The following LAMA2 variants were observed in gnomAD, a reference collection of about 807,000 sequenced individuals.
LAMA2 encodes laminin subunit alpha-2.
In LAMA2, 269 loss-of-function variants were observed where a neutral mutation model predicts 364.8. The ratio of observed to expected loss-of-function variants is 0.74; its 90% CI spans 0.67 to 0.82. The LOEUF is 0.82. Among genes scored for constraint, LAMA2 ranks in the 40% least tolerant of loss-of-function variants. LAMA2 has a pLI of 0.00. For missense variants in LAMA2, 3,807 were observed against 3,873.2 expected, an observed-to-expected ratio of 0.98 and a Z score of 0.45; for synonymous variants, 1,379 against 1,370.6, an observed-to-expected ratio of 1.01 and a Z score of -0.14.
rs1287831381 is a variant in LAMA2 at position 129,054,221 on chromosome 6, C to T, written c.283+4133C>T. ...GGGGAATAGGAGGGGATCACTGAGC[C>T]GTAATCAGAATAAAGTGGCAATTCC... On this transcript the variant is annotated intron_variant, in intron 2 of 64. Transcript: ENST00000421865. 4.6e-5 allele frequency among the ~76,000 whole-genome samples: 7 copies of T among 151,930 alleles called. No homozygotes were observed. The East Asian group carries it at 1.2e-3, about 25-fold the overall frequency.
chr6:129,366,461 A>C (rs1343226008), intron 33 of LAMA2, 100 bp downstream of exon 33: 1 of 1,304,842 alleles, frequency 7.7e-7, no homozygotes. Flanking sequence ...CACAGCCCCA[A>C]ATCAAGGGAC....
chr6:129,204,176 CATAA>C (rs1330083678), intron 12 of LAMA2, among the ~76,000 whole-genome samples: 3 of 152,270 alleles, frequency 2.0e-5, no homozygotes, highest in Non-Finnish European at 2.9e-5. Context: ...AAGTGCAAAA[CATAA>C]ATAAATCAGT....
chr6:129,460,422 G>A (rs1783191395), intron 49 of LAMA2, 98 bp downstream of exon 49: 12 of 1,275,866 alleles, frequency 9.4e-6, no homozygotes, highest in Non-Finnish European at 1.3e-5. Context: ...ATGATGTGGA[G>A]CAGGTTTGAA....
chr6:128,934,196 T>C (rs1779671969), intron 1 of LAMA2, among the ~76,000 whole-genome samples: 2 of 152,220 alleles, frequency 1.3e-5, no homozygotes, highest in South Asian at 4.1e-4. Flanking sequence ...AAAAGACTAT[T>C]TGTTCCCCAT....
At chr6:129,489,818 C>CCAA (rs758703580) in intron 56 of LAMA2, among the ~76,000 whole-genome samples, 10 of 151,916 alleles carry the variant, frequency 6.6e-5, no homozygotes, top group Middle Eastern at 3.2e-3. Context: ...CGTATGCAAT[C>CCAA]CAACTGATAT....
chr6:129,256,609 G>A (rs1786685061), intron 14 of LAMA2, among the ~76,000 whole-genome samples: 1 of 151,662 alleles, frequency 6.6e-6, no homozygotes, highest in South Asian at 2.1e-4. Context: ...AACTAAGAAG[G>A]AAGCAATGAA....
intron 22 of LAMA2, among the ~76,000 whole-genome samples, chr6:129,304,471 G>A (rs1773746083): frequency 6.6e-6 from 1 of 152,122 alleles, no homozygotes; most frequent in Non-Finnish European, 1.5e-5. Context: ...CACCGCGTTA[G>A]CCAGGATGGT....
chr6:129,108,778 C>T (rs2114895429), intron 4 of LAMA2, among the ~76,000 whole-genome samples: 1 of 152,028 alleles, frequency 6.6e-6, no homozygotes, highest in Non-Finnish European at 1.5e-5. Flanking sequence ...TTTTGCTATC[C>T]AAGTTCCTAA....
intron 49 of LAMA2, among the ~76,000 whole-genome samples, chr6:129,460,654 A>G (rs1783204553): frequency 6.6e-6 from 1 of 151,982 alleles, no homozygotes; most frequent in African/African-American, 2.4e-5. Context: ...TGTGTCTGTG[A>G]GTACCTCATT....
At chr6:129,087,283 G>C (rs1218104529) in intron 3 of LAMA2, among the ~76,000 whole-genome samples, 3 of 152,178 alleles carry the variant, frequency 2.0e-5, no homozygotes, top group Admixed American at 6.5e-5. Flanking sequence ...AAATTTCTGT[G>C]TAATAAAGTG....
intron 29 of LAMA2, among the ~76,000 whole-genome samples, chr6:129,339,100 A>T (rs1284856141): frequency 1.2e-5 from 1 of 81,804 alleles, no homozygotes; most frequent in Non-Finnish European, 3.6e-5. Context: ...TGTTCATAGG[A>T]TGATCACTCT....
intron 12 of LAMA2, among the ~76,000 whole-genome samples, chr6:129,227,978 A>C (rs1277657754): frequency 6.6e-6 from 1 of 152,182 alleles, no homozygotes; most frequent in Admixed American, 6.5e-5. Flanking sequence ...GGCTTCACCC[A>C]GTTCAAGCTT....
intron 1 of LAMA2, among the ~76,000 whole-genome samples, chr6:129,013,677 G>A (rs1276678659): frequency 6.6e-6 from 1 of 152,060 alleles, no homozygotes; most frequent in African/African-American, 2.4e-5. Flanking sequence ...TTTTATTCTT[G>A]TAGATTTTAA....
chr6:129,370,052 A>G, intron 34 of LAMA2, 62 bp downstream of exon 34: 1 of 1,334,152 alleles, frequency 7.5e-7, no homozygotes, highest in Non-Finnish European at 1.1e-6. Flanking sequence ...AAGGAAAATT[A>G]CTTCAAAGTT....
At chr6:129,043,820 A>G (rs1181889962) in intron 1 of LAMA2, among the ~76,000 whole-genome samples, 1 of 152,142 alleles carries the variant, frequency 6.6e-6, no homozygotes, top group East Asian at 1.9e-4. Context: ...CTGGGCTCAA[A>G]GTCCCAACTT....
intron 8 of LAMA2, chr6:129,157,728 G>T: frequency 6.2e-7 from 1 of 1,611,740 alleles, no homozygotes; most frequent in Non-Finnish European, 8.5e-7. Context: ...TTCGTATGAC[G>T]GATCACTCGG....
intron 3 of LAMA2, among the ~76,000 whole-genome samples, chr6:129,084,339 T>G (rs941551177): frequency 6.6e-6 from 1 of 152,170 alleles, no homozygotes; most frequent in African/African-American, 2.4e-5. Flanking sequence ...TGTTCATCTT[T>G]AAATAATTTC....
intron 58 of LAMA2, among the ~76,000 whole-genome samples, chr6:129,499,891 A>T (rs1255879602): frequency 1.3e-5 from 2 of 150,964 alleles, no homozygotes; most frequent in African/African-American, 4.9e-5. Context: ...CTAATTTTTT[A>T]TTTTTTTAAT....
intron 3 of LAMA2, among the ~76,000 whole-genome samples, chr6:129,085,263 T>C (rs1186038143): frequency 7.2e-5 from 11 of 152,216 alleles, no homozygotes. Flanking sequence ...TATAGACTTT[T>C]CTAGTGAAGG....
Sources: gnomAD v4.1 joint callset for allele counts (sites outside exome capture counted in the v4.1 genomes callset) on GRCh38, gnomAD v4.1.1 for gene constraint, MANE v1.5 for transcripts, NCBI Gene and HGNC (gene_info 2026-07-23, HGNC 2026-07-21) for gene names.